ALS2CL: variants seen among roughly 807,000 people sequenced by gnomAD.
ALS2CL encodes the protein ALS2 C-terminal-like protein.
Under a neutral mutation model 127.9 loss-of-function variants are expected in ALS2CL, and 112 were observed. The ratio of observed to expected loss-of-function variants is 0.88; its 90% confidence interval spans 0.75 to 1.02. ALS2CL has a LOEUF of 1.02. Ranked by LOEUF, ALS2CL falls within the 50% of genes least tolerant of loss-of-function variation. The pLI, the probability that ALS2CL is intolerant of heterozygous loss-of-function variation, is 0.00. For missense variants in ALS2CL, 1,174 were observed against 1,236.7 expected, an observed-to-expected ratio of 0.95 and a Z score of 0.76; for synonymous variants, 519 against 527.6, an observed-to-expected ratio of 0.98 and a Z score of 0.22.
chr3:46,681,555 CG>C lies in ALS2CL; in HGVS notation c.1218del (p.Phe406LeufsTer132). Reference sequence around the variant, plus strand: ...TCTCGCCAGTGACACTTGTAACAGTCGAACTTGTCCTCAGAGGCCTGGGGCA... The same window carrying C: ...TCTCGCCAGTGACACTTGTAACAGTCAACTTGTCCTCAGAGGCCTGGGGCA... ...RLLPQASEDK[F>X]DCYKCHWREG... On this transcript the variant is annotated frameshift_variant, in exon 12 of 26. Transcript: ENST00000318962. LOFTEE classifies it high-confidence loss of function. This position sits in a 1 kb window ranked among gnomAD's most constrained non-coding sequence, Gnocchi z 4.9. 6.2e-7 allele frequency: 1 copy of C among 1,614,116 alleles called. No homozygotes were observed. Among genetic ancestry groups the C allele is most frequent in the Non-Finnish European group, 8.5e-7 (1 of 1,179,992 alleles).
At chr3:46,689,550 AG>A (rs1426383285) in intron 1 of ALS2CL, 85 bp from the exon 2 acceptor site, 2 of 888,466 alleles carry the variant, frequency 2.3e-6, no homozygotes, top group Non-Finnish European at 3.4e-6. Context: ...CCCAGAAGCA[AG>A]GTCCATGACC....
chr3:46,685,674 T>C (rs778307409), intron 6 of ALS2CL, 30 bp from the exon 7 acceptor site: 1 of 1,597,294 alleles, frequency 6.3e-7, no homozygotes, highest in Admixed American at 1.7e-5. Context: ...AGTACAAGGC[T>C]TAGGCACCTC....
At chr3:46,672,280 G>A in intron 22 of ALS2CL, 79 bp from the exon 23 acceptor site, 1 of 1,536,346 alleles carries the variant, frequency 6.5e-7, no homozygotes. Context: ...GGCCGGGCCT[G>A]AGTCCCCCGC....
intron 10 of ALS2CL, among the ~76,000 whole-genome samples, chr3:46,682,815 G>A (rs994377794): frequency 6.6e-6 from 1 of 152,208 alleles, no homozygotes; most frequent in African/African-American, 2.4e-5. Context: ...TTTCAACACT[G>A]CCAGACAATG....
rs569852385 is a variant in ALS2CL at position 46,686,059 on chromosome 3, G to T, written c.666+249C>A. The stretch of plus-strand genomic sequence containing the variant: ...AAGGGTGTGATCGGTGATATCCCCA[G>T]GGGAGAGGACTGGTTCTGCTGATTG... On this transcript the variant is annotated intron_variant, in intron 6 of 25. Coordinates refer to ENST00000318962, the MANE Select transcript of ALS2CL (RefSeq NM_147129.5). The surrounding 1 kb of genome is among the most constrained non-coding windows in gnomAD (Gnocchi z 4.3). 6.6e-6 allele frequency among the ~76,000 whole-genome samples: 1 copy of T among 152,206 alleles called. No homozygotes were observed. Among genetic ancestry groups the T allele is most frequent in the Non-Finnish European group, 1.5e-5 (1 of 68,032 alleles).
Position 46,680,470 on chromosome 3 carries a change from C to T in ALS2CL, c.1508G>A (p.Gly503Asp). ...CTGGAAGGTGCCCTGGTAGCAGACA[C>T]CTGCCTGGGTGACCATGACCCCTGG... is the stretch of plus-strand genomic sequence containing the variant. ...HGPGVMVTQA[G>D]VCYQGTFQAD... The change falls in exon 14 of 26, where the codon GGT becomes GAT. Residue 503 changes from glycine (G) to aspartate (D), a missense_variant. Coordinates refer to ENST00000318962, the MANE Select transcript of ALS2CL (RefSeq NM_147129.5). The T allele has an allele frequency of 1.9e-6, 3 of 1,613,520 alleles. No individual in the cohort carries two copies. Among genetic ancestry groups the T allele is most frequent in the East Asian group, 2.2e-5 (1 of 44,882 alleles).
rs1463615262 is a variant in ALS2CL, at chr3:46,680,556, A to T, written c.1437-15T>A. On this transcript the variant is annotated splice_polypyrimidine_tract_variant and intron_variant, in intron 13 of 25. Transcript: ENST00000318962. ...AGCGCTCACCTCTGGAAGGAGAGGA[A>T]TGTGGCCAGAGTTGGATCAGACTCA... 3.1e-6 allele frequency: 5 copies of T among 1,608,238 alleles called. No homozygotes were observed. Among genetic ancestry groups the T allele is most frequent in the Non-Finnish European group, 4.2e-6 (5 of 1,178,372 alleles).
chr3:46,681,020 C>T lies in ALS2CL; in HGVS notation c.1436+226G>A, dbSNP rs113294569. On this transcript the variant is annotated intron_variant, in intron 13 of 25. Coordinates refer to ENST00000318962, the MANE Select transcript of ALS2CL (RefSeq NM_147129.5). The surrounding 1 kb of genome is among the most constrained non-coding windows in gnomAD (Gnocchi z 4.9). ...ACAGAGCAGGGGGTCAGAAATGCCT[C>T]TCCAACACCATGAGGAGGGGTGAGG... is the stretch of plus-strand genomic sequence containing the variant. The T allele has an allele frequency of 1.8e-5, 12 of 680,490 alleles. No individual in the cohort carries two copies. Among genetic ancestry groups the T allele is most frequent in the African/African-American group, 5.3e-5 (3 of 56,236 alleles). 42.2% of individuals were successfully genotyped at this position (680,490 alleles called of 1,614,324 possible). A position where few individuals can be genotyped will look rare whatever the true frequency, so the allele number is the denominator to read the frequency against.
At chr3:46,690,019 T>C (rs1700062912) in intron 1 of ALS2CL, among the ~76,000 whole-genome samples, 3 of 152,004 alleles carry the variant, frequency 2.0e-5, no homozygotes, top group African/African-American at 4.8e-5. Context: ...CCACGAATGA[T>C]GGGCAAGAAA....
rs1699484625 is a variant in ALS2CL at position 46,683,136 on chromosome 3, T to C, written c.1103A>G (p.His368Arg). 1.3e-6 allele frequency: 2 copies of C among 1,563,704 alleles called. No individual in the cohort carries two copies. Among genetic ancestry groups the C allele is most frequent in the South Asian group, 1.2e-5 (1 of 83,848 alleles). The change falls in exon 10 of 26, where the codon CAC (histidine) becomes CGC (arginine). Residue 368 changes from histidine to arginine, a missense_variant. Coordinates refer to ENST00000318962, the MANE Select transcript of ALS2CL (RefSeq NM_147129.5). ...CAGAGCTCCAGCCACTCACTTGCCGTGGGGCCGGCCCCTGCACCACTCGCC... is the reference window on the plus strand; with the variant it reads ...CAGAGCTCCAGCCACTCACTTGCCGCGGGGCCGGCCCCTGCACCACTCGCC... ...YEGEWCRGRP[H>R]GKGTLKWPDG...
chr3:46,688,822 CAAA>C (rs951876268), intron 2 of ALS2CL, among the ~76,000 whole-genome samples: 1 of 152,244 alleles, frequency 6.6e-6, no homozygotes, highest in African/African-American at 2.4e-5. Flanking sequence ...AAAATTCAAG[CAAA>C]GGGCAGTTTC....
In ALS2CL at chr3:46,688,207, C is replaced by A. The variant is rs139496961; in HGVS notation, c.193G>T (p.Glu65Ter). Residue 65 changes from glutamate (E) to a stop codon, truncating the protein, a stop_gained, in exon 3 of 26, where the codon GAG (glutamate) becomes TAG (stop). Transcript: ENST00000318962. LOFTEE classifies it high-confidence loss of function. ...TCCTGCAGTGAGTGCAGGCTTTCCT[C>A]CGTCACCTCCCAGAGTTGCTGGGAG... ...KSSQQLWEVT[E>*]ESLHSLQERL... The A allele has an allele frequency of 1.8e-3, 2,920 of 1,613,078 alleles. 10 individuals are homozygous for A. The highest frequency in any genetic ancestry group is 0.01 in the Middle Eastern group (63 of 6,062).
intron 24 of ALS2CL, 69 bp from the exon 25 acceptor site, chr3:46,671,653 T>C (rs565705791): frequency 6.2e-7 from 1 of 1,610,000 alleles, no homozygotes; most frequent in African/African-American, 1.3e-5. Context: ...GACAGGCAGC[T>C]GGGGAAGGAG....
In ALS2CL at chr3:46,671,892, C is replaced by T. The variant is rs762704231; in HGVS notation, c.2676G>A (p.Ser892=). 1.5e-4 allele frequency: 240 copies of T among 1,613,602 alleles called. 1 individual carries two copies. In the South Asian group the frequency reaches 1.5e-3, roughly 10 times the overall value. The change falls in exon 24 of 26, where the codon TCG becomes TCA. Residue 892 remains serine (S), a synonymous_variant. Transcript: ENST00000318962. Reference sequence around the variant, plus strand: ...GCTCCTGACTGCCTCACCGGGCGCGCGACACCACGTAGATGAGAAGTGGCA... The same window carrying T: ...GCTCCTGACTGCCTCACCGGGCGCGTGACACCACGTAGATGAGAAGTGGCA... ...DLLPLLIYVV[S]RARIQHLGAE... is the part of the protein sequence containing the mutation.
intron 24 of ALS2CL, 37 bp from the exon 25 acceptor site, chr3:46,671,621 C>T: frequency 1.2e-6 from 2 of 1,613,294 alleles, no homozygotes; most frequent in Non-Finnish European, 1.7e-6. Flanking sequence ...GCGAGGGAGA[C>T]AAGGAGAAGA....
intron 7 of ALS2CL, 86 bp from the exon 8 acceptor site, chr3:46,684,133 C>T: frequency 1.4e-6 from 2 of 1,453,374 alleles, no homozygotes; most frequent in Non-Finnish European, 1.9e-6. Flanking sequence ...CAAGCTCAAC[C>T]TTGTGTGGCC....
intron 16 of ALS2CL, 114 bp from the exon 17 acceptor site, chr3:46,677,136 C>A: frequency 6.7e-7 from 1 of 1,481,924 alleles, no homozygotes; most frequent in Non-Finnish European, 8.9e-7. Flanking sequence ...CAGGATCAAG[C>A]CCCAAGAAGG....
Position 46,678,278 on chromosome 3 carries a change from G to A in ALS2CL, c.1738C>T (p.Pro580Ser), listed in dbSNP as rs752851592. ...VLDTAALPPD[P>S]SSTCKRQLGV... ...ACTCACCTCTTGCAGGTACTGCTCG[G>A]GTCTGGTGGGAGGGCAGCCGTGTCC... The change falls in exon 16 of 26, where the codon CCG (proline) becomes TCG (serine). Residue 580 changes from proline to serine, a missense_variant. By Grantham distance (74) the Pro-to-Ser change is moderately conservative. Coordinates refer to ENST00000318962, the MANE Select transcript of ALS2CL (RefSeq NM_147129.5). The A allele has an allele frequency of 2.5e-6, 4 of 1,602,788 alleles. No homozygotes were observed. The highest frequency in any genetic ancestry group is 3.4e-6 in the Non-Finnish European group (4 of 1,171,856).
intron 1 of ALS2CL, among the ~76,000 whole-genome samples, chr3:46,691,466 C>T (rs527798314): frequency 3.3e-5 from 5 of 152,038 alleles, no homozygotes; most frequent in South Asian, 4.1e-4. Flanking sequence ...TGACCCCAGC[C>T]GACACCATAC....
Sources: allele counts gnomAD v4.1 joint callset (sites outside exome capture counted in the v4.1 genomes callset), GRCh38; gene constraint gnomAD v4.1.1; non-coding constraint Gnocchi (gnomAD v3.1); transcripts MANE v1.5; gene names NCBI Gene and HGNC (gene_info 2026-07-23, HGNC 2026-07-21).